Variants in CAMTA1 observed in about 807,000 individuals in gnomAD.
The protein encoded by CAMTA1 is calmodulin binding transcription activator 1.
Under a neutral mutation model 170.9 loss-of-function variants are expected in CAMTA1, and 27 were observed. The ratio of observed to expected loss-of-function variants is 0.16; its 90% CI spans 0.12 to 0.22. The LOEUF (loss-of-function observed/expected upper bound fraction) is 0.22. CAMTA1 is among the 10% of genes least tolerant of loss of function. The probability of loss-of-function intolerance (pLI) is 1.00; values close to 1 mark genes in which losing one functional copy is unlikely to be tolerated. For synonymous variants in CAMTA1, 833 were observed against 891.5 expected (o/e 0.93, Z 1.17); for missense variants, 1,619 against 2,217.2 (o/e 0.73, Z 5.42).
At position 7,744,853 on chromosome 1, in the gene CAMTA1, G is replaced by T. The variant is rs983590138; in HGVS notation, c.4201G>T (p.Ala1401Ser). Residue 1401 changes from alanine to serine, a missense_variant, in exon 17 of 23, where the codon GCA becomes TCA. Ala to Ser is a moderately conservative substitution (Grantham distance 99). Transcript: ENST00000303635. ...ACTTCAGGTGAACATGATGACCTTG[G>T]CAGAACACATTATTGAAGCCACACC... ...DDIQVNMMTL[A>S]EHIIEATPDR... is the part of the protein sequence containing the mutation. The T allele has an allele frequency of 6.2e-7, 1 of 1,613,542 alleles. No individual in the cohort carries two copies. Among genetic ancestry groups the T allele is most frequent in the African/African-American group, 1.3e-5 (1 of 74,970 alleles).
intron 22 of CAMTA1, among the ~76,000 whole-genome samples, chr1:7,757,675 G>T (rs2096940812): frequency 6.6e-6 from 1 of 152,100 alleles, no homozygotes; most frequent in Middle Eastern, 3.2e-3. Context: ...GGCAGAGGTT[G>T]CAGTGAGCCA....
chr1:7,266,991 A>C (rs916801386), intron 5 of CAMTA1, among the ~76,000 whole-genome samples: 1 of 152,172 alleles, frequency 6.6e-6, no homozygotes, highest in African/African-American at 2.4e-5. Context: ...GGATCGTAGC[A>C]GGGGTCTGGA....
intron 3 of CAMTA1, among the ~76,000 whole-genome samples, chr1:6,936,599 T>C (rs546501718): frequency 5.9e-5 from 9 of 152,238 alleles, no homozygotes; most frequent in African/African-American, 2.2e-4. Flanking sequence ...ACATGAGAAC[T>C]GGGGGAGGAA....
intron 11 of CAMTA1, among the ~76,000 whole-genome samples, chr1:7,716,315 G>A (rs1026455448): frequency 5.9e-5 from 9 of 152,206 alleles, no homozygotes; most frequent in Admixed American, 1.3e-4. Context: ...ACAGGCATGA[G>A]ACACTGTGCC....
intron 3 of CAMTA1, among the ~76,000 whole-genome samples, chr1:7,037,894 A>C (rs1703857231): frequency 6.7e-6 from 1 of 149,994 alleles, no homozygotes; most frequent in South Asian, 2.1e-4. Flanking sequence ...GTTACTAGGA[A>C]TATATATATT....
At chr1:7,327,199 G>A (rs1033509516) in intron 5 of CAMTA1, among the ~76,000 whole-genome samples, 2 of 151,938 alleles carry the variant, frequency 1.3e-5, no homozygotes, top group Admixed American at 6.5e-5. Flanking sequence ...GGCGGATCAC[G>A]AGGTCAGGAG....
chr1:7,494,109 T>C (rs560595582), intron 6 of CAMTA1, among the ~76,000 whole-genome samples: 1 of 150,232 alleles, frequency 6.7e-6, no homozygotes, highest in East Asian at 2.0e-4. Context: ...TTTCAAGAGA[T>C]GCAGATTTCA....
chr1:6,846,172 A>G (rs1658049131), intron 3 of CAMTA1, among the ~76,000 whole-genome samples: 1 of 152,236 alleles, frequency 6.6e-6, no homozygotes, highest in African/African-American at 2.4e-5. Context: ...CAGCCAAACC[A>G]TATAAGATAC....
At chr1:7,450,212 A>G (rs962104697) in intron 5 of CAMTA1, among the ~76,000 whole-genome samples, 1 of 152,216 alleles carries the variant, frequency 6.6e-6, no homozygotes, top group Non-Finnish European at 1.5e-5. Flanking sequence ...CTGAAAGAGG[A>G]TGTGCTAATT....
intron 11 of CAMTA1, among the ~76,000 whole-genome samples, chr1:7,704,972 C>CG (rs1261608481): frequency 3.3e-4 from 1 of 3,038 alleles, no homozygotes; most frequent in Non-Finnish European, 6.9e-4. Context: ...GCGCGCGGGG[C>CG]GGGGGCGGGG....
At chr1:6,827,301 C>T (rs1394802133) in intron 3 of CAMTA1, among the ~76,000 whole-genome samples, 2 of 152,214 alleles carry the variant, frequency 1.3e-5, no homozygotes, top group Non-Finnish European at 2.9e-5. Flanking sequence ...AGCCATGCAG[C>T]ACCCTTTCCC....
intron 5 of CAMTA1, among the ~76,000 whole-genome samples, chr1:7,374,555 A>C (rs544799107): frequency 2.6e-5 from 4 of 152,368 alleles, no homozygotes; most frequent in African/African-American, 7.2e-5. Context: ...AGGGAAGAAG[A>C]TTGGAGACTT....
chr1:7,605,773 G>A lies in CAMTA1; in HGVS notation c.511-34627G>A, dbSNP rs951297277. On this transcript the variant is annotated intron_variant, in intron 6 of 22. Coordinates refer to ENST00000303635, the MANE Select transcript of CAMTA1 (RefSeq NM_015215.4). Reference sequence around the variant, plus strand: ...GCAGAAATCACCTGTCTTCTGCGTCGCTCATGCGGGGAGCTGTAGACTGGA... The same window carrying A: ...GCAGAAATCACCTGTCTTCTGCGTCACTCATGCGGGGAGCTGTAGACTGGA... Among the ~76,000 whole-genome samples, 7 of 152,200 alleles carry A rather than the reference G, an allele frequency of 4.6e-5. No individual in the cohort carries two copies. In the East Asian group the frequency reaches 5.8e-4, roughly 13 times the overall value.
chr1:7,755,507 A>G (rs1240787510), intron 21 of CAMTA1, 131 bp from the exon 22 acceptor site: 1 of 742,186 alleles, frequency 1.3e-6, no homozygotes, highest in East Asian at 2.5e-5. Flanking sequence ...CCCCACCATC[A>G]CTCTCCTTTT....
chr1:6,980,117 G>A (rs1258954029), intron 3 of CAMTA1, among the ~76,000 whole-genome samples: 4 of 152,190 alleles, frequency 2.6e-5, no homozygotes, highest in Non-Finnish European at 5.9e-5. Context: ...CTTACTGACA[G>A]CCCCTCCAGG....
At position 7,736,328 on chromosome 1, in the gene CAMTA1, C is replaced by A; in HGVS notation, c.3067-16C>A. The A allele has an allele frequency of 5.6e-6, 9 of 1,611,862 alleles. No individual in the cohort carries two copies. The highest frequency in any genetic ancestry group is 7.6e-6 in the Non-Finnish European group (9 of 1,178,816). ...CCTTTAGTCCTGAGGTCGTAACGTGCGCTTTTTTGTGACAGTGTGCTTCTG... is the reference window on the plus strand; with the variant it reads ...CCTTTAGTCCTGAGGTCGTAACGTGAGCTTTTTTGTGACAGTGTGCTTCTG... On this transcript the variant is annotated splice_polypyrimidine_tract_variant and intron_variant, in intron 12 of 22. Coordinates refer to ENST00000303635, the MANE Select transcript of CAMTA1 (RefSeq NM_015215.4). The surrounding 1 kb of genome is among the most constrained non-coding windows in gnomAD (Gnocchi z 4.5).
intron 3 of CAMTA1, among the ~76,000 whole-genome samples, chr1:6,962,165 C>T (rs1690542102): frequency 6.6e-6 from 1 of 152,250 alleles, no homozygotes; most frequent in Admixed American, 6.5e-5. Context: ...CACGTGTGCT[C>T]CGAGTGCCAG....
chr1:7,175,386 C>T (rs1303970717), intron 4 of CAMTA1, among the ~76,000 whole-genome samples: 1 of 151,492 alleles, frequency 6.6e-6, no homozygotes, highest in Non-Finnish European at 1.5e-5. Flanking sequence ...TCTGCTATAA[C>T]CTGCTTAACT....
Position 6,955,476 on chromosome 1 carries a change from G to C in CAMTA1, c.234+130266G>C, listed in dbSNP as rs535184946. Reference sequence around the variant, plus strand: ...GTTTGGAGTCGGGGGCTTTGACTCAGATCTGGGTGGAGTCCTGGCCTTGTG... The same window carrying C: ...GTTTGGAGTCGGGGGCTTTGACTCACATCTGGGTGGAGTCCTGGCCTTGTG... On this transcript the variant is annotated intron_variant, in intron 3 of 22. Coordinates refer to ENST00000303635, the MANE Select transcript of CAMTA1 (RefSeq NM_015215.4). Among the ~76,000 whole-genome samples the C allele has an allele frequency of 1.3e-3, 197 of 152,322 alleles. 1 individual carries two copies. The highest frequency in any genetic ancestry group is 4.5e-3 in the African/African-American group (188 of 41,580).
Sources: gnomAD v4.1 joint callset for allele counts (sites outside exome capture counted in the v4.1 genomes callset) on GRCh38, gnomAD v4.1.1 for gene constraint, Gnocchi (gnomAD v3.1) non-coding constraint, MANE v1.5 for transcripts, NCBI Gene and HGNC (gene_info 2026-07-23, HGNC 2026-07-21) for gene names.